PCSK9: variants seen among roughly 807,000 people sequenced by gnomAD.
The protein encoded by PCSK9 is proprotein convertase subtilisin/kexin type 9.
PCSK9 carries 57 observed loss-of-function variants against 62.1 expected under a neutral mutation model. The observed-to-expected ratio is 0.92, with a 90% CI of 0.74 to 1.14. The LOEUF is 1.14. Ranked by LOEUF, PCSK9 falls within the 50% of genes most tolerant of loss-of-function variation. The probability of loss-of-function intolerance (pLI) is 0.00; values close to 1 mark genes in which losing one functional copy is unlikely to be tolerated. For missense variants in PCSK9, 870 were observed against 959.8 expected (o/e 0.91, Z 1.24); for synonymous variants, 387 against 409.4 (o/e 0.95, Z 0.66).
At chr1:55,049,995 CACG>C (rs2308166) in intron 3 of PCSK9, among the ~76,000 whole-genome samples, 106,697 of 152,034 alleles carry the variant, frequency 0.7, 40,241 homozygotes, top group South Asian at 0.83. Flanking sequence ...CCTCCTCACA[CACG>C]ACGAGGAACA....
chr1:55,058,351 A>G (rs1254874902), intron 8 of PCSK9, 142 bp downstream of exon 8: 1 of 1,499,722 alleles, frequency 6.7e-7, no homozygotes, highest in Non-Finnish European at 9.1e-7. Context: ...GGGCTCTGAA[A>G]GGGCTGTGCA....
chr1:55,063,332 G>A (rs376551477), intron 11 of PCSK9, 37 bp from the exon 12 acceptor site: 6 of 1,601,986 alleles, frequency 3.7e-6, no homozygotes, highest in African/African-American at 2.7e-5. Context: ...CCCGGGCCAC[G>A]CTAGACATGT....
chr1:55,057,893 G>A (rs1181544907), intron 7 of PCSK9, 143 bp from the exon 8 acceptor site: 36 of 1,175,944 alleles, frequency 3.1e-5, no homozygotes, highest in Non-Finnish European at 4.0e-5. Flanking sequence ...GACTGCAGGC[G>A]GCTTACCTTC....
chr1:55,057,694 G>A (rs947951320), intron 7 of PCSK9, among the ~76,000 whole-genome samples, 180 bp downstream of exon 7: 1 of 152,294 alleles, frequency 6.6e-6, no homozygotes, highest in Admixed American at 6.5e-5. Context: ...GAGGAAACAC[G>A]AGGTCAGGGC....
At position 55,039,819 on chromosome 1, in the gene PCSK9, A is replaced by C; in HGVS notation, c.-19A>C. ...CTCTAGGTCTCCTCGCCAGGACAGC[A>C]ACCTCTCCCCTGGCCCTCATGGGCA... is the stretch of plus-strand genomic sequence containing the variant. On this transcript the variant is annotated 5_prime_UTR_variant, in exon 1 of 12. Coordinates refer to ENST00000302118, the MANE Select transcript of PCSK9 (RefSeq NM_174936.4). The C allele has an allele frequency of 6.4e-7, 1 of 1,568,740 alleles. No homozygotes were observed. Among genetic ancestry groups the C allele is most frequent in the Non-Finnish European group, 8.6e-7 (1 of 1,157,992 alleles).
chr1:55,059,690 G>A (rs1200215812), intron 10 of PCSK9, 27 bp downstream of exon 10: 1 of 1,546,970 alleles, frequency 6.5e-7, no homozygotes, highest in East Asian at 2.4e-5. Context: ...GCCCTGGGGT[G>A]AGGAGGGGTC....
At chr1:55,061,000 C>T (rs1340874815) in intron 10 of PCSK9, among the ~76,000 whole-genome samples, 1 of 152,210 alleles carries the variant, frequency 6.6e-6, no homozygotes, top group Non-Finnish European at 1.5e-5. Context: ...TGAGGTGGTT[C>T]AGACAGACCC....
At chr1:55,043,728 A>T in intron 1 of PCSK9, 115 bp from the exon 2 acceptor site, 1 of 1,265,172 alleles carries the variant, frequency 7.9e-7, no homozygotes, top group Non-Finnish European at 1.1e-6. Context: ...TTTATCATCT[A>T]CTATACTCTG....
intron 5 of PCSK9, among the ~76,000 whole-genome samples, chr1:55,054,112 G>A (rs549990561): frequency 1.1e-4 from 17 of 152,172 alleles, no homozygotes; most frequent in Non-Finnish European, 2.1e-4. Flanking sequence ...GGCTGGGCGC[G>A]GTGGCTCATG....
chr1:55,061,473 GC>G lies in PCSK9; in HGVS notation c.1782del (p.Ser595AlafsTer28). On this transcript the variant is annotated frameshift_variant, in exon 11 of 12. Coordinates refer to ENST00000302118, the MANE Select transcript of PCSK9 (RefSeq NM_174936.4). LOFTEE classifies it high-confidence loss of function. The part of the protein sequence containing the change: ...QPNQCVGHRE[A>X]SIHASCCHAP... ...CAACCAGTGCGTGGGCCACAGGGAG[GC>G]CAGCATCCACGCTTCCTGCTGCCAT... 1.2e-6 allele frequency: 2 copies of G among 1,606,898 alleles called. No individual in the cohort carries two copies. The highest frequency in any genetic ancestry group is 1.7e-6 in the Non-Finnish European group (2 of 1,177,450).
intron 3 of PCSK9, among the ~76,000 whole-genome samples, chr1:55,047,312 G>A (rs1644641305): frequency 6.6e-6 from 1 of 152,202 alleles, no homozygotes; most frequent in Non-Finnish European, 1.5e-5. Flanking sequence ...GAGAATGAAG[G>A]GTTCTAGTTG....
At chr1:55,046,708 G>T in intron 3 of PCSK9, 62 bp downstream of exon 3, 1 of 1,598,502 alleles carries the variant, frequency 6.3e-7, no homozygotes. Flanking sequence ...GCTCTGCCCT[G>T]GCCTGGCCTC....
intron 3 of PCSK9, chr1:55,051,395 C>T (rs1162178715): frequency 3.0e-6 from 1 of 337,116 alleles, no homozygotes; most frequent in African/African-American, 2.2e-5. Context: ...TAGCAGCAAC[C>T]TGCCTGAAGT....
In PCSK9 at chr1:55,040,318, G is replaced by A. The variant is rs1195630176; in HGVS notation, c.207+274G>A. 6.6e-6 allele frequency among the ~76,000 whole-genome samples: 1 copy of A among 152,200 alleles called. No individual in the cohort carries two copies. Among genetic ancestry groups the A allele is most frequent in the East Asian group, 1.9e-4 (1 of 5,190 alleles). ...TCAGTGGGAAGGTTCGCGGGGTTGG[G>A]AGACCCGGAGGCCGAGGAAGGGCGA... On this transcript the variant is annotated intron_variant, in intron 1 of 11. Transcript: ENST00000302118. This position sits in a 1 kb window ranked among gnomAD's most constrained non-coding sequence, Gnocchi z 4.1.
intron 2 of PCSK9, 59 bp from the exon 3 acceptor site, chr1:55,046,464 G>C: frequency 6.2e-7 from 1 of 1,613,720 alleles, no homozygotes; most frequent in Middle Eastern, 1.6e-4. Context: ...GGCTGTGGCT[G>C]TGTTTGCTGC....
intron 3 of PCSK9, among the ~76,000 whole-genome samples, chr1:55,049,253 G>T (rs955886226): frequency 6.6e-6 from 1 of 152,242 alleles, no homozygotes; most frequent in African/African-American, 2.4e-5. Context: ...CTGTGAGGCA[G>T]GAGGGAGTGT....
In PCSK9 at chr1:55,058,155, C is replaced by T. The variant is rs757143429; in HGVS notation, c.1300C>T (p.Arg434Trp). The change falls in exon 8 of 12, where the codon CGG becomes TGG. Residue 434 changes from arginine to tryptophan, a missense_variant. Transcript: ENST00000302118. ...TGAGGCCTGGTTCCCTGAGGACCAG[C>T]GGGTACTGACCCCCAACCTGGTGGC... ...INEAWFPEDQ[R>W]VLTPNLVAAL... is the part of the protein sequence containing the mutation. 3.3e-5 allele frequency: 54 copies of T among 1,613,416 alleles called. No homozygotes were observed. The highest frequency in any genetic ancestry group is 2.7e-4 in the East Asian group (12 of 44,888).
intron 3 of PCSK9, among the ~76,000 whole-genome samples, chr1:55,046,877 C>T (rs1644639053): frequency 6.6e-6 from 1 of 152,184 alleles, no homozygotes; most frequent in African/African-American, 2.4e-5. Flanking sequence ...TCTTTTCCTT[C>T]TTTTCTCTTG....
At chr1:55,061,577 G>A (rs953965156) in intron 11 of PCSK9, 21 bp downstream of exon 11, 16 of 1,570,374 alleles carry the variant, frequency 1.0e-5, no homozygotes, top group African/African-American at 1.4e-5. Context: ...CCGTGAGGCC[G>A]GGTGGGTGGG....
Sources: gnomAD v4.1 joint callset for allele counts (sites outside exome capture counted in the v4.1 genomes callset) on GRCh38, gnomAD v4.1.1 for gene constraint, Gnocchi (gnomAD v3.1) non-coding constraint, MANE v1.5 for transcripts, NCBI Gene and HGNC (gene_info 2026-07-23, HGNC 2026-07-21) for gene names.